Variants in FMN2 observed in about 807,000 individuals in gnomAD.
The protein encoded by FMN2 is formin 2.
A neutral mutation model predicts 142.3 loss-of-function variants in FMN2; 51 were observed. The ratio of observed to expected loss-of-function variants is 0.36; its 90% CI spans 0.29 to 0.45. FMN2 has a LOEUF of 0.45. FMN2 is among the 20% of genes least tolerant of loss of function. The pLI, the probability that FMN2 is intolerant of heterozygous loss-of-function variation, is 1.00. For synonymous variants in FMN2, 882 were observed against 869.8 expected (o/e 1.01, Z -0.25); for missense variants, 1,936 against 2,122.8 (o/e 0.91, Z 1.73).
At chr1:240,228,328 A>AAAAAAAAAAAAAAAAAAAAAAAAAG (rs1558380489) in intron 6 of FMN2, among the ~76,000 whole-genome samples, 3 of 66,366 alleles carry the variant, frequency 4.5e-5, no homozygotes, top group African/African-American at 9.0e-5. Flanking sequence ...AAAAAAAAAA[A>AAAAAAAAAAAAAAAAAAAAAAAAAG]AAAAGAAAAA....
Position 240,142,594 on chromosome 1 carries a change from T to G in FMN2, c.1782+19249T>G, listed in dbSNP as rs1571975936. 1.2e-5 allele frequency: 17 copies of G among 1,426,706 alleles called. No individual in the cohort carries two copies. In the African/African-American group the frequency reaches 1.7e-4, roughly 14 times the overall value. 88.4% of individuals were successfully genotyped at this position (1,426,706 alleles called of 1,614,324 possible). ...AACAATTCCCCCGGAAGTCTGCAGCTGTGTCCACCCTTGGCAGCAGGATGC... is the reference window on the plus strand; with the variant it reads ...AACAATTCCCCCGGAAGTCTGCAGCGGTGTCCACCCTTGGCAGCAGGATGC... On this transcript the variant is annotated intron_variant, in intron 2 of 17. Transcript: ENST00000319653.
intron 6 of FMN2, among the ~76,000 whole-genome samples, chr1:240,250,482 C>T (rs1668240698): frequency 1.3e-5 from 2 of 151,976 alleles, no homozygotes; most frequent in Admixed American, 6.6e-5. Flanking sequence ...TTGAACTTAA[C>T]TTGTTAGTGT....
At chr1:240,141,082 T>C (rs1439734182) in intron 2 of FMN2, among the ~76,000 whole-genome samples, 1 of 152,190 alleles carries the variant, frequency 6.6e-6, no homozygotes, top group African/African-American at 2.4e-5. Context: ...CCTCATACTA[T>C]TGGTAGTTAA....
At chr1:240,217,888 A>G (rs545826469) in intron 6 of FMN2, among the ~76,000 whole-genome samples, 2 of 152,230 alleles carry the variant, frequency 1.3e-5, no homozygotes, top group South Asian at 2.1e-4. Flanking sequence ...TAGATTATAT[A>G]TTAGGGAAAT....
chr1:240,178,074 C>T lies in FMN2; in HGVS notation c.1930+6C>T, dbSNP rs372902195. ...GCTCGAGGATGCTGAAACAGGTAACCCTTTCCTTTGTCTTCAGAGATAACT... is the reference window on the plus strand; with the variant it reads ...GCTCGAGGATGCTGAAACAGGTAACTCTTTCCTTTGTCTTCAGAGATAACT... On this transcript the variant is annotated splice_donor_region_variant and intron_variant, in intron 3 of 17. Coordinates refer to ENST00000319653, the MANE Select transcript of FMN2 (RefSeq NM_020066.5). The T allele has an allele frequency of 1.9e-6, 3 of 1,575,880 alleles. No homozygotes were observed. Among genetic ancestry groups the T allele is most frequent in the Non-Finnish European group, 2.6e-6 (3 of 1,166,598 alleles).
At chr1:240,359,032 T>C (rs1490084140) in intron 14 of FMN2, among the ~76,000 whole-genome samples, 3 of 151,970 alleles carry the variant, frequency 2.0e-5, no homozygotes, top group African/African-American at 7.3e-5. Flanking sequence ...GACTGAGGCA[T>C]GAGAATCACT....
chr1:240,137,202 C>T (rs1214537813), intron 2 of FMN2, among the ~76,000 whole-genome samples: 1 of 151,094 alleles, frequency 6.6e-6, no homozygotes, highest in Non-Finnish European at 1.5e-5. Flanking sequence ...TTTAGGTCCT[C>T]CCAATTTGTA....
chr1:240,460,429 T>G (rs1676411026), intron 16 of FMN2, among the ~76,000 whole-genome samples: 1 of 152,072 alleles, frequency 6.6e-6, no homozygotes, highest in South Asian at 2.1e-4. Context: ...CCGTCTCTAC[T>G]AAAAGTACAA....
intron 2 of FMN2, among the ~76,000 whole-genome samples, chr1:240,123,549 T>A (rs531414158): frequency 6.6e-6 from 1 of 151,102 alleles, no homozygotes; most frequent in Non-Finnish European, 1.5e-5. Context: ...GCGTATTAAG[T>A]ACATTTGCCA....
chr1:240,239,671 G>A (rs970390211), intron 6 of FMN2, among the ~76,000 whole-genome samples: 1 of 152,216 alleles, frequency 6.6e-6, no homozygotes, highest in African/African-American at 2.4e-5. Context: ...TATGGATGGA[G>A]CAAGAAATCA....
chr1:240,200,821 A>T (rs887505039), intron 4 of FMN2, among the ~76,000 whole-genome samples: 2 of 152,194 alleles, frequency 1.3e-5, no homozygotes, highest in African/African-American at 4.8e-5. Flanking sequence ...CTCTTCTATC[A>T]AAATGATCTG....
intron 16 of FMN2, among the ~76,000 whole-genome samples, chr1:240,465,790 G>T (rs1486817812): frequency 1.3e-5 from 2 of 152,214 alleles, no homozygotes; most frequent in Admixed American, 1.3e-4. Flanking sequence ...TAAGACTGTG[G>T]CCAGCTTGGC....
chr1:240,424,200 A>C (rs1291846242), intron 15 of FMN2, among the ~76,000 whole-genome samples: 1 of 152,238 alleles, frequency 6.6e-6, no homozygotes, highest in East Asian at 1.9e-4. Flanking sequence ...AGTCATATGA[A>C]AGAGTCAAAA....
rs1668331502 is a variant in FMN2, at chr1:240,252,957, T to TTTTTTTTTTTTTTTTTTTG, written c.4066-4975_4066-4974insTTTTTGTTTTTTTTTTTTT. Among the ~76,000 whole-genome samples, 2 of 110,812 alleles carry TTTTTTTTTTTTTTTTTTTG rather than the reference T, an allele frequency of 1.8e-5. 1 individual carries two copies. Among genetic ancestry groups the TTTTTTTTTTTTTTTTTTTG allele is most frequent in the Non-Finnish European group, 3.6e-5 (2 of 55,436 alleles). 72.7% of individuals were successfully genotyped at this position (110,812 alleles called of 152,430 possible). On this transcript the variant is annotated intron_variant, in intron 6 of 17. Transcript: ENST00000319653. ...TGTGTGATGTAGTCTTGTTCACTTT[T>TTTTTTTTTTTTTTTTTTTG]TTTTTTTTTTTTTGGAGACAGAGTC...
intron 2 of FMN2, chr1:240,142,661 G>A: frequency 6.2e-7 from 1 of 1,603,978 alleles, no homozygotes; most frequent in Non-Finnish European, 8.5e-7. Flanking sequence ...AGCCCCTGGT[G>A]GTCACTTAGA....
chr1:240,346,887 T>C (rs1671926854), intron 13 of FMN2, among the ~76,000 whole-genome samples: 1 of 152,192 alleles, frequency 6.6e-6, no homozygotes, highest in Admixed American at 6.5e-5. Flanking sequence ...AAACTATGTT[T>C]AAGACTTTAT....
intron 14 of FMN2, among the ~76,000 whole-genome samples, chr1:240,377,482 C>T (rs1673085174): frequency 1.3e-5 from 2 of 152,186 alleles, no homozygotes; most frequent in Non-Finnish European, 2.9e-5. Flanking sequence ...AGGTCAGAAA[C>T]TCAAAATGGA....
At chr1:240,226,825 CACACACACAT>C (rs1667321558) in intron 6 of FMN2, among the ~76,000 whole-genome samples, 2 of 151,878 alleles carry the variant, frequency 1.3e-5, no homozygotes, top group South Asian at 2.1e-4. Context: ...CACACACACA[CACACACACAT>C]ACACACACAC....
At chr1:240,273,245 TAGC>T (rs1285567709) in intron 7 of FMN2, among the ~76,000 whole-genome samples, 1 of 152,186 alleles carries the variant, frequency 6.6e-6, no homozygotes, top group Non-Finnish European at 1.5e-5. Context: ...AGATAGACAA[TAGC>T]TGATCATAAT....
Sources: gnomAD v4.1 joint callset for allele counts (sites outside exome capture counted in the v4.1 genomes callset) on GRCh38, gnomAD v4.1.1 for gene constraint, MANE v1.5 for transcripts, NCBI Gene and HGNC (gene_info 2026-07-23, HGNC 2026-07-21) for gene names.